The following ACSL1 variants were observed in gnomAD, a reference collection of about 807,000 sequenced individuals.
ACSL1 encodes long-chain-fatty-acid--CoA ligase 1.
ACSL1 carries 41 observed loss-of-function variants against 98.4 expected under a neutral mutation model. The ratio of observed to expected loss-of-function variants is 0.42; its 90% CI spans 0.32 to 0.54. The LOEUF (loss-of-function observed/expected upper bound fraction) is 0.54. Ranked by LOEUF, ACSL1 falls within the 20% of genes least tolerant of loss-of-function variation. ACSL1 has a pLI of 0.13. For synonymous variants in ACSL1, 316 were observed against 322.7 expected, an observed-to-expected ratio of 0.98 and a Z score of 0.22; for missense variants, 734 against 883.1, an observed-to-expected ratio of 0.83 and a Z score of 2.14.
Position 184,780,432 on chromosome 4 carries a change from A to G in ACSL1, c.377T>C (p.Val126Ala). 1 of 1,611,286 alleles carries G rather than the reference A, an allele frequency of 6.2e-7. No homozygotes were observed. Among genetic ancestry groups the G allele is most frequent in the Non-Finnish European group, 8.5e-7 (1 of 1,179,274 alleles). Residue 126 changes from valine (V) to alanine (A), a missense_variant and splice_region_variant, in exon 5 of 21, where the codon GTT (valine) becomes GCT (alanine). Transcript: ENST00000281455. ...GCCTATGCACTCCGACAATTCTGCA[A>G]CCTAAAATGGAGAGGAAAAAGTCAG... ...QPYEWLSYKQVAELSECIGSA... is the reference protein window; with the variant it reads ...QPYEWLSYKQAAELSECIGSA...
rs1245576644 is a variant in ACSL1 at position 184,766,095 on chromosome 4, G to C, written c.1264-109C>G. On this transcript the variant is annotated intron_variant, in intron 13 of 20. Coordinates refer to ENST00000281455, the MANE Select transcript of ACSL1 (RefSeq NM_001995.5). The surrounding 1 kb of genome is among the most constrained non-coding windows in gnomAD (Gnocchi z 4.8). ...CCCCGTTCCCTAACCCATAGCTGCA[G>C]ACCACACGGAGGCCACACGGAGAAC... The C allele has an allele frequency of 2.1e-6, 2 of 969,546 alleles. No individual in the cohort carries two copies. The highest frequency in any genetic ancestry group is 3.1e-6 in the Non-Finnish European group (2 of 636,896). 60.1% of individuals were successfully genotyped at this position (969,546 alleles called of 1,614,324 possible).
At position 184,782,969 on chromosome 4, in the gene ACSL1, C is replaced by T. The variant is rs535102509; in HGVS notation, c.375+958G>A. Reference sequence around the variant, plus strand: ...CTCCTAAGCTGCCCTTCACACAAAACCCAGAAGGAGGAAGTGCATTTGTAT... The same window carrying T: ...CTCCTAAGCTGCCCTTCACACAAAATCCAGAAGGAGGAAGTGCATTTGTAT... On this transcript the variant is annotated intron_variant, in intron 4 of 20. Coordinates refer to ENST00000281455, the MANE Select transcript of ACSL1 (RefSeq NM_001995.5). 3.3e-5 allele frequency among the ~76,000 whole-genome samples: 5 copies of T among 152,308 alleles called. No homozygotes were observed. In the East Asian group the frequency reaches 9.7e-4, roughly 29 times the overall value.
At chr4:184,783,086 CAGCAGAG>C (rs1766599494) in intron 4 of ACSL1, among the ~76,000 whole-genome samples, 1 of 152,200 alleles carries the variant, frequency 6.6e-6, no homozygotes, top group African/African-American at 2.4e-5. Context: ...AAGCAGCAGG[CAGCAGAG>C]CTGGCCTGTC....
chr4:184,782,275 A>AC (rs1554019864), intron 4 of ACSL1, among the ~76,000 whole-genome samples: 2 of 151,894 alleles, frequency 1.3e-5, no homozygotes, highest in Middle Eastern at 3.4e-3. Flanking sequence ...AAAAAAAAAA[A>AC]AACAACCCTT....
chr4:184,770,779 T>C (rs1188461582), intron 10 of ACSL1, among the ~76,000 whole-genome samples: 6 of 152,056 alleles, frequency 3.9e-5, no homozygotes, highest in Non-Finnish European at 5.9e-5. Flanking sequence ...ACCTCAACAC[T>C]GAGGAGAAAC....
chr4:184,813,431 C>T (rs759523327), intron 1 of ACSL1, among the ~76,000 whole-genome samples: 4 of 152,158 alleles, frequency 2.6e-5, no homozygotes, highest in Non-Finnish European at 5.9e-5. Flanking sequence ...AAAAGATCCG[C>T]TTTTTAGGCT....
intron 1 of ACSL1, among the ~76,000 whole-genome samples, chr4:184,817,036 A>G (rs1276223469): frequency 1.3e-5 from 2 of 152,200 alleles, no homozygotes; most frequent in African/African-American, 4.8e-5. Context: ...AGAGAAAAAA[A>G]TAAAACCCTG....
At chr4:184,790,325 G>GA (rs1338542777) in intron 2 of ACSL1, among the ~76,000 whole-genome samples, 2 of 152,136 alleles carry the variant, frequency 1.3e-5, no homozygotes, top group Non-Finnish European at 2.9e-5. Context: ...GTATATCAAG[G>GA]AAAAATGATG....
Position 184,770,490 on chromosome 4 carries a change from C to T in ACSL1, c.916-14G>A. 2 of 1,602,152 alleles carry T rather than the reference C, an allele frequency of 1.2e-6. No homozygotes were observed. The highest frequency in any genetic ancestry group is 4.5e-5 in the East Asian group (2 of 44,436). ...ATTGACTGTATTCTGTAAGCAAAGACACCAGCAAGGCAGAAAAGCATTAAG... is the reference window on the plus strand; with the variant it reads ...ATTGACTGTATTCTGTAAGCAAAGATACCAGCAAGGCAGAAAAGCATTAAG... On this transcript the variant is annotated splice_polypyrimidine_tract_variant and intron_variant, in intron 10 of 20. Transcript: ENST00000281455.
At chr4:184,787,961 A>C (rs572318138) in intron 3 of ACSL1, among the ~76,000 whole-genome samples, 80 of 152,238 alleles carry the variant, frequency 5.3e-4, no homozygotes, top group African/African-American at 1.8e-3. Context: ...TGAGGTCAGA[A>C]GTTTGAGTCC....
At chr4:184,812,004 G>A (rs1377370373) in intron 1 of ACSL1, among the ~76,000 whole-genome samples, 2 of 151,996 alleles carry the variant, frequency 1.3e-5, no homozygotes, top group East Asian at 1.9e-4. Context: ...GGTCCTCAGG[G>A]CCCTCCTTCA....
chr4:184,805,522 C>T (rs1344034191), intron 1 of ACSL1: 1 of 985,592 alleles, frequency 1.0e-6, no homozygotes, highest in Non-Finnish European at 1.2e-6. Context: ...AACAAAACCA[C>T]TCACCATCTG....
chr4:184,812,466 C>T (rs1772218397), intron 1 of ACSL1, among the ~76,000 whole-genome samples: 1 of 151,988 alleles, frequency 6.6e-6, no homozygotes, highest in African/African-American at 2.4e-5. Flanking sequence ...CCACCAGACT[C>T]CTACACCGCA....
intron 4 of ACSL1, among the ~76,000 whole-genome samples, chr4:184,781,176 C>T (rs1329719194): frequency 7.4e-6 from 1 of 134,768 alleles, no homozygotes; most frequent in African/African-American, 2.8e-5. Context: ...GTCTGCAGTG[C>T]ACTGAGATCA....
intron 15 of ACSL1, among the ~76,000 whole-genome samples, chr4:184,763,645 G>C (rs1763173022): frequency 1.3e-5 from 2 of 152,184 alleles, no homozygotes; most frequent in South Asian, 2.1e-4. Flanking sequence ...TGTAAGAAGA[G>C]AGAACATATG....
intron 2 of ACSL1, among the ~76,000 whole-genome samples, chr4:184,792,524 C>T (rs147153038): frequency 5.0e-4 from 76 of 152,280 alleles, no homozygotes; most frequent in African/African-American, 1.8e-3. Flanking sequence ...CCGTCTCAAC[C>T]GTCTGACTGA....
At chr4:184,760,604 T>G (rs1762725785) in intron 17 of ACSL1, 104 bp from the exon 18 acceptor site, 1 of 1,438,700 alleles carries the variant, frequency 7.0e-7, no homozygotes, top group African/African-American at 1.4e-5. Flanking sequence ...CACTATTGAT[T>G]AATTCTAATA....
In ACSL1 at chr4:184,773,865, C is replaced by T; in HGVS notation, c.767G>A (p.Arg256Lys). The T allele has an allele frequency of 6.2e-7, 1 of 1,613,948 alleles. No homozygotes were observed. The highest frequency in any genetic ancestry group is 8.5e-7 in the Non-Finnish European group (1 of 1,179,858). Residue 256 changes from arginine to lysine, a missense_variant, in exon 8 of 21, where the codon AGA becomes AAA. By Grantham distance (26) the Arg-to-Lys change is conservative. Transcript: ENST00000281455. This position sits in a 1 kb window ranked among gnomAD's most constrained non-coding sequence, Gnocchi z 4.3. ...TACCTTGGGCTTCCGTCTGTTGGCT[C>T]TTCCCAGGTCCTTAATTAGAAGAGA... Reference protein sequence around the residue: ...TSMKAMEDLGRANRRKPKPPA... With the variant: ...TSMKAMEDLGKANRRKPKPPA...
At chr4:184,779,622 T>G (rs4069938) in intron 5 of ACSL1, among the ~76,000 whole-genome samples, 81,410 of 151,886 alleles carry the variant, frequency 0.54, 22,369 homozygotes, top group Middle Eastern at 0.66. Flanking sequence ...AGGGAAAGCC[T>G]CATACCTTTC....
Sources: gnomAD v4.1 joint callset for allele counts (sites outside exome capture counted in the v4.1 genomes callset) on GRCh38, gnomAD v4.1.1 for gene constraint, Gnocchi (gnomAD v3.1) non-coding constraint, MANE v1.5 for transcripts, NCBI Gene and HGNC (gene_info 2026-07-23, HGNC 2026-07-21) for gene names.